Variants in EGF observed in about 807,000 individuals in gnomAD.
EGF encodes the protein epidermal growth factor, also known as pro-epidermal growth factor.
A neutral mutation model predicts 143.8 loss-of-function variants in EGF; 95 were observed. The observed-to-expected ratio is 0.66, with a 90% CI of 0.56 to 0.78. The LOEUF (loss-of-function observed/expected upper bound fraction) is 0.78. EGF is among the 30% of genes least tolerant of loss of function. EGF has a pLI of 0.00. For synonymous variants in EGF, 510 were observed against 510.5 expected (o/e 1.00, Z 0.01); for missense variants, 1,320 against 1,470.9 (o/e 0.90, Z 1.68).
In EGF at chr4:110,012,928, G is replaced by C. The variant is rs900262130; in HGVS notation, c.*1473G>C. Among the ~76,000 whole-genome samples, 7 of 152,146 alleles carry C rather than the reference G, an allele frequency of 4.6e-5. No homozygotes were observed. Among genetic ancestry groups the C allele is most frequent in the Admixed American group, 1.3e-4 (2 of 15,276 alleles). ...ATTTCTCAACCCCTTGTACTTTGGT[G>C]ATACCAGACATCAGAATAAAAAGAA... On this transcript the variant is annotated 3_prime_UTR_variant, in exon 24 of 24. Transcript: ENST00000265171.
intron 2 of EGF, 88 bp from the exon 3 acceptor site, chr4:109,943,166 A>G: frequency 1.1e-6 from 1 of 942,316 alleles, no homozygotes; most frequent in Non-Finnish European, 1.6e-6. Flanking sequence ...AATACTTAAA[A>G]GAATAGACTT....
rs1754028301 is a variant in EGF at position 110,011,854 on chromosome 4, CAG to C, written c.*401_*402del. ...TACAAAGTAATTTCTTTGATCTGGA[CAG>C]AACATTTATATCAGTTTCATGAAAT... On this transcript the variant is annotated 3_prime_UTR_variant, in exon 24 of 24. Coordinates refer to ENST00000265171, the MANE Select transcript of EGF (RefSeq NM_001963.6). The C allele has an allele frequency of 7.2e-6, 2 of 277,802 alleles. No individual in the cohort carries two copies. Among genetic ancestry groups the C allele is most frequent in the South Asian group, 8.4e-5 (2 of 23,694 alleles). 17.2% of individuals were successfully genotyped at this position (277,802 alleles called of 1,614,324 possible). A position where few individuals can be genotyped will look rare whatever the true frequency, so the allele number is the denominator to read the frequency against.
chr4:109,945,350 G>A, intron 5 of EGF, 75 bp downstream of exon 5: 1 of 1,488,338 alleles, frequency 6.7e-7, no homozygotes, highest in Non-Finnish European at 9.2e-7. Flanking sequence ...CAGACAATGA[G>A]GCGTTGTAGG....
At chr4:109,919,936 T>A (rs1382305467) in intron 1 of EGF, among the ~76,000 whole-genome samples, 1 of 151,864 alleles carries the variant, frequency 6.6e-6, no homozygotes, top group East Asian at 1.9e-4. Flanking sequence ...AATAGAGAAG[T>A]ATGCTCAGAA....
chr4:109,992,411 C>T (rs1204604296), intron 18 of EGF: 5 of 151,972 alleles, frequency 3.3e-5, no homozygotes, highest in Admixed American at 6.6e-5. Context: ...CATGCAAATT[C>T]GTGAAGCGTT....
intron 23 of EGF, among the ~76,000 whole-genome samples, chr4:110,010,004 G>A (rs1453510498): frequency 6.6e-6 from 1 of 152,176 alleles, no homozygotes; most frequent in East Asian, 1.9e-4. Context: ...GGAGGCCAAG[G>A]TGGGCAGATC....
intron 6 of EGF, among the ~76,000 whole-genome samples, chr4:109,960,421 G>A (rs150243905): frequency 6.6e-6 from 1 of 152,320 alleles, no homozygotes; most frequent in African/African-American, 2.4e-5. Flanking sequence ...AAGGCGGGCA[G>A]ATCACTTGAG....
chr4:109,988,187 C>T (rs1166710201), intron 17 of EGF, among the ~76,000 whole-genome samples: 1 of 143,552 alleles, frequency 7.0e-6, no homozygotes, highest in Non-Finnish European at 1.5e-5. Flanking sequence ...CCAATGAAAA[C>T]ACAACTTTTT....
chr4:109,970,790 A>C (rs377314387), intron 11 of EGF, among the ~76,000 whole-genome samples: 10 of 137,118 alleles, frequency 7.3e-5, no homozygotes, highest in African/African-American at 2.0e-4. Flanking sequence ...GCACCACTGC[A>C]CTCCAGCCTG....
Position 109,969,008 on chromosome 4 carries a change from G to A in EGF, c.1613G>A (p.Arg538Lys), listed in dbSNP as rs1747117049. 1.9e-6 allele frequency: 3 copies of A among 1,614,080 alleles called. No individual in the cohort carries two copies. The highest frequency in any genetic ancestry group is 2.2e-5 in the East Asian group (1 of 44,890). ...FAHTALKWIERANMDGSQRER... is the reference protein window; with the variant it reads ...FAHTALKWIEKANMDGSQRER... ...CATACAGCCCTGAAGTGGATAGAGA[G>A]AGCTAATATGGATGGTTCCCAGCGA... Residue 538 changes from arginine (R) to lysine (K), a missense_variant, in exon 11 of 24, where the codon AGA becomes AAA. Physicochemically the swap from Arg to Lys is conservative, Grantham distance 26. This residue lies in a region of EGF where 1,186 missense variants were observed against 1,313.7 expected (regional missense o/e 0.90). Coordinates refer to ENST00000265171, the MANE Select transcript of EGF (RefSeq NM_001963.6).
intron 1 of EGF, among the ~76,000 whole-genome samples, chr4:109,924,512 C>G (rs1219822278): frequency 6.8e-6 from 1 of 147,614 alleles, no homozygotes; most frequent in African/African-American, 2.7e-5. Context: ...GGTGCTTGGG[C>G]TGACAGTGGA....
chr4:109,930,824 G>A (rs1452363641), intron 1 of EGF, among the ~76,000 whole-genome samples: 1 of 152,178 alleles, frequency 6.6e-6, no homozygotes, highest in East Asian at 1.9e-4. Flanking sequence ...TGTAGTCATA[G>A]TTCTTTGTAG....
chr4:109,959,325 C>T lies in EGF; in HGVS notation c.954C>T (p.Cys318=). ...CTTCTCTTTTAGAGCAGAAACTTTG[C>T]AAATTGAGGAAAGGAAACTGCAGCA... is the stretch of plus-strand genomic sequence containing the variant. ...DDTWEPEQKL[C]KLRKGNCSST... Residue 318 remains cysteine, a synonymous_variant, in exon 6 of 24, where the codon TGC becomes TGT. Coordinates refer to ENST00000265171, the MANE Select transcript of EGF (RefSeq NM_001963.6). 6.2e-7 allele frequency: 1 copy of T among 1,613,904 alleles called. No individual in the cohort carries two copies. Among genetic ancestry groups the T allele is most frequent in the African/African-American group, 1.3e-5 (1 of 75,014 alleles).
chr4:109,956,150 T>C (rs763419924), intron 5 of EGF, among the ~76,000 whole-genome samples: 38 of 152,238 alleles, frequency 2.5e-4, no homozygotes, highest in Non-Finnish European at 5.1e-4. Flanking sequence ...TTTATAACTA[T>C]AGAATTTTTT....
chr4:110,008,188 G>A lies in EGF; in HGVS notation c.3328G>A (p.Gly1110Arg), dbSNP rs1350235604. 1 of 1,613,936 alleles carries A rather than the reference G, an allele frequency of 6.2e-7. No individual in the cohort carries two copies. The highest frequency in any genetic ancestry group is 1.3e-5 in the African/African-American group (1 of 74,902). ...VIKEHQDLKN[G>R]GQPVAGEDGQ... ...AAAAGAACACCAAGACCTCAAGAAT[G>A]GGGGTCAACCAGTGGCTGGTGAGGA... Residue 1110 changes from glycine to arginine, a missense_variant, in exon 23 of 24, where the codon GGG (glycine) becomes AGG (arginine). Gly to Arg is a moderately radical substitution (Grantham distance 125). Around this residue, in one of 5 missense-constraint regions of EGF, gnomAD observed 1,186 missense variants for 1,313.7 expected, o/e 0.90. Coordinates refer to ENST00000265171, the MANE Select transcript of EGF (RefSeq NM_001963.6).
intron 2 of EGF, among the ~76,000 whole-genome samples, chr4:109,941,827 T>C (rs1458267349): frequency 6.6e-6 from 1 of 152,250 alleles, no homozygotes; most frequent in African/African-American, 2.4e-5. Context: ...AGTACTTTAC[T>C]TCATGTACAT....
rs975502951 is a variant in EGF at position 109,963,299 on chromosome 4, G to T, written c.1438+1G>T. ...GATGAAAAAAGCTGTGCAGCTTCAG[G>T]TTAGTGCTGTGGTTGTCTGGAACTG... On this transcript the variant is annotated splice_donor_variant, in intron 9 of 23. Coordinates refer to ENST00000265171, the MANE Select transcript of EGF (RefSeq NM_001963.6). LOFTEE classifies it high-confidence loss of function. 8.1e-6 allele frequency: 13 copies of T among 1,613,774 alleles called. No homozygotes were observed. The Admixed American group carries it at 1.8e-4, about 23-fold the overall frequency.
chr4:109,983,567 A>G, intron 16 of EGF, 26 bp downstream of exon 16: 1 of 1,612,920 alleles, frequency 6.2e-7, no homozygotes, highest in Non-Finnish European at 8.5e-7. Flanking sequence ...TCTCCAATAT[A>G]CCTTTGGTTC....
intron 1 of EGF, among the ~76,000 whole-genome samples, chr4:109,924,865 C>A (rs1286994276): frequency 6.6e-6 from 1 of 152,076 alleles, no homozygotes; most frequent in African/African-American, 2.4e-5. Context: ...AAGAAGACAG[C>A]CTGAAAAATG....
Sources: gnomAD v4.1 joint callset for allele counts (sites outside exome capture counted in the v4.1 genomes callset) on GRCh38, gnomAD v4.1.1 for gene constraint, gnomAD v4.1.1 regional missense constraint, MANE v1.5 for transcripts, NCBI Gene and HGNC (gene_info 2026-07-23, HGNC 2026-07-21) for gene names.